KATNAL2: variants seen among roughly 807,000 people sequenced by gnomAD.
KATNAL2 encodes katanin p60 ATPase-containing subunit A-like 2.
A neutral mutation model predicts 76.3 loss-of-function variants in KATNAL2; 52 were observed. The observed-to-expected ratio is 0.68, with a 90% CI of 0.55 to 0.86. The LOEUF (loss-of-function observed/expected upper bound fraction) is 0.86, where lower values mean the gene tolerates loss of function less well. KATNAL2 is among the 40% of genes least tolerant of loss of function. KATNAL2 has a pLI of 0.00. For missense variants in KATNAL2, 660 were observed against 668.9 expected (o/e 0.99, Z 0.15); for synonymous variants, 243 against 244.2 (o/e 1.00, Z 0.05).
Position 47,054,420 on chromosome 18 carries a change from G to T in KATNAL2, c.314G>T (p.Ser105Ile). 6.2e-7 allele frequency: 1 copy of T among 1,613,840 alleles called. No individual in the cohort carries two copies. Among genetic ancestry groups the T allele is most frequent in the African/African-American group, 1.3e-5 (1 of 75,044 alleles). ...DTAENNLPQR[S>I]RGKTRRMMND... ...GCAGAAAATAATTTACCGCAAAGAA[G>T]TAGAGGGAAGACCAGAAGGTAAAGT... The change falls in exon 6 of 18, where the codon AGT (serine) becomes ATT (isoleucine). Residue 105 changes from serine to isoleucine, a missense_variant. Ser to Ile is a moderately radical substitution (Grantham distance 142). Transcript: ENST00000683218.
At chr18:46,958,905 CAT>C (rs2059846305) in intron 3 of KATNAL2, among the ~76,000 whole-genome samples, 1 of 152,328 alleles carries the variant, frequency 6.6e-6, no homozygotes, top group South Asian at 2.1e-4. Flanking sequence ...TGTTTATTCT[CAT>C]GTGTCATTAT....
intron 6 of KATNAL2, among the ~76,000 whole-genome samples, chr18:47,056,831 C>CACACACACACAAACACATAA (rs1471382920): frequency 3.7e-5 from 2 of 54,542 alleles, no homozygotes; most frequent in East Asian, 1.5e-3. Flanking sequence ...AACACATAAA[C>CACACACACACAAACACATAA]ACACACACAC....
intron 15 of KATNAL2, among the ~76,000 whole-genome samples, chr18:47,090,355 C>A (rs2062946113): frequency 2.0e-5 from 3 of 152,154 alleles, no homozygotes; most frequent in Admixed American, 2.0e-4. Context: ...GATCTGCCCA[C>A]CTCAGCCTCC....
intron 3 of KATNAL2, among the ~76,000 whole-genome samples, chr18:47,042,326 C>T (rs2060991846): frequency 6.6e-6 from 1 of 152,172 alleles, no homozygotes; most frequent in South Asian, 2.1e-4. Flanking sequence ...TTACTATGCT[C>T]CCTTCACAAA....
At chr18:47,087,519 G>A (rs918073617) in intron 15 of KATNAL2, among the ~76,000 whole-genome samples, 1 of 152,070 alleles carries the variant, frequency 6.6e-6, no homozygotes, top group African/African-American at 2.4e-5. Context: ...CATAAGGAGG[G>A]GAACAACAGA....
At chr18:47,034,684 C>T (rs771771946) in intron 3 of KATNAL2, 7 of 1,613,346 alleles carry the variant, frequency 4.3e-6, no homozygotes, top group South Asian at 1.1e-5. Flanking sequence ...GTGGCCTCTT[C>T]CGGGTTGCTT....
At chr18:46,961,914 T>C (rs1165185089) in intron 3 of KATNAL2, among the ~76,000 whole-genome samples, 1 of 152,220 alleles carries the variant, frequency 6.6e-6, no homozygotes, top group East Asian at 1.9e-4. Context: ...GGGGGTTTGC[T>C]ACTAAGAATA....
intron 1 of KATNAL2, among the ~76,000 whole-genome samples, chr18:46,922,150 G>GAGTGC (rs994771014): frequency 3.4e-5 from 5 of 146,988 alleles, no homozygotes; most frequent in Admixed American, 1.4e-4. Flanking sequence ...GCCCAGGCTA[G>GAGTGC]AGTGCAGTGG....
intron 6 of KATNAL2, among the ~76,000 whole-genome samples, chr18:47,055,541 G>A (rs1010536783): frequency 3.3e-5 from 5 of 152,168 alleles, no homozygotes; most frequent in African/African-American, 1.2e-4. Context: ...CACGCTCCAC[G>A]ATCCTACTTG....
chr18:47,041,271 A>T (rs1180943093), intron 3 of KATNAL2, among the ~76,000 whole-genome samples: 1 of 152,176 alleles, frequency 6.6e-6, no homozygotes, highest in Non-Finnish European at 1.5e-5. Context: ...GTGGTTTTGG[A>T]CAAATGTATA....
chr18:47,047,720 CT>C (rs58029086), intron 4 of KATNAL2, among the ~76,000 whole-genome samples: 107 of 146,894 alleles, frequency 7.3e-4, no homozygotes, highest in Non-Finnish European at 8.2e-4. Flanking sequence ...AGCTTACAAA[CT>C]TTTTTTTTTT....
At chr18:46,931,829 A>G (rs566086959) in intron 1 of KATNAL2, among the ~76,000 whole-genome samples, 1 of 152,268 alleles carries the variant, frequency 6.6e-6, no homozygotes, top group South Asian at 2.1e-4. Context: ...ATAGAGACCA[A>G]TACAGTTAAA....
chr18:47,095,502 A>G (rs2063191267), intron 15 of KATNAL2, among the ~76,000 whole-genome samples: 1 of 152,132 alleles, frequency 6.6e-6, no homozygotes, highest in Non-Finnish European at 1.5e-5. Context: ...TTTGCTTTCC[A>G]TCATGATTGT....
At position 47,034,327 on chromosome 18, in the gene KATNAL2, G is replaced by C. The variant is rs956577760; in HGVS notation, c.52-12130G>C. On this transcript the variant is annotated intron_variant, in intron 3 of 17. Transcript: ENST00000683218. ...GTCTAGACTGGGCCTCTTCTTGTTC[G>C]AGTGACTGTGCTGAGGCCTCTTCTG... The C allele has an allele frequency of 2.5e-6, 4 of 1,612,520 alleles. No homozygotes were observed. Among genetic ancestry groups the C allele is most frequent in the Admixed American group, 3.3e-5 (2 of 59,986 alleles).
chr18:47,036,503 G>A (rs1180612134), intron 3 of KATNAL2, among the ~76,000 whole-genome samples: 1 of 152,054 alleles, frequency 6.6e-6, no homozygotes, highest in East Asian at 1.9e-4. Flanking sequence ...CCTTTGTTTT[G>A]TGCTCTTTCT....
intron 15 of KATNAL2, chr18:47,084,299 G>C (rs61316646): frequency 0.078 from 54,973 of 702,060 alleles, 2,623 homozygotes; most frequent in East Asian, 0.17. Flanking sequence ...TGATTGGAGG[G>C]ATAAGCAGAT....
chr18:46,946,793 C>T (rs1389247988), intron 2 of KATNAL2, 61 bp from the exon 3 acceptor site: 1 of 1,406,178 alleles, frequency 7.1e-7, no homozygotes, highest in East Asian at 2.5e-5. Context: ...GCTGGTTAAG[C>T]GTCAGGTTCC....
At chr18:47,031,289 T>C (rs957531100) in intron 3 of KATNAL2, among the ~76,000 whole-genome samples, 15 of 152,052 alleles carry the variant, frequency 9.9e-5, no homozygotes, top group Non-Finnish European at 1.5e-5. Context: ...AGTTCCACTC[T>C]TACCTTTCAG....
intron 10 of KATNAL2, among the ~76,000 whole-genome samples, chr18:47,064,561 A>T (rs965031978): frequency 2.6e-5 from 4 of 152,106 alleles, no homozygotes; most frequent in African/African-American, 7.2e-5. Context: ...TGACAGTGAG[A>T]TGAATGAATA....
Sources: gnomAD v4.1 joint callset for allele counts (sites outside exome capture counted in the v4.1 genomes callset) on GRCh38, gnomAD v4.1.1 for gene constraint, MANE v1.5 for transcripts, NCBI Gene and HGNC (gene_info 2026-07-23, HGNC 2026-07-21) for gene names.